ACOX3: variants seen among roughly 807,000 people sequenced by gnomAD.
ACOX3 encodes the protein peroxisomal acyl-coenzyme A oxidase 3.
A neutral mutation model predicts 81.5 loss-of-function variants in ACOX3; 73 were observed. The observed-to-expected ratio is 0.90, with a 90% confidence interval of 0.74 to 1.09. The LOEUF (loss-of-function observed/expected upper bound fraction) is 1.09, where lower values mean the gene tolerates loss of function less well. ACOX3 is among the 50% of genes least tolerant of loss of function. ACOX3 has a pLI of 0.00. For missense variants in ACOX3, 947 were observed against 928.0 expected, an observed-to-expected ratio of 1.02 and a Z score of -0.27; for synonymous variants, 387 against 375.1, an observed-to-expected ratio of 1.03 and a Z score of -0.37.
intron 1 of ACOX3, among the ~76,000 whole-genome samples, chr4:8,420,274 ACTGT>A (rs1296676430): frequency 6.6e-6 from 1 of 152,264 alleles, no homozygotes; most frequent in Non-Finnish European, 1.5e-5. Flanking sequence ...GTGAAGCCAG[ACTGT>A]CTGGGTTCAA....
At chr4:8,377,242 G>C (rs1360999373) in intron 14 of ACOX3, among the ~76,000 whole-genome samples, 1 of 152,144 alleles carries the variant, frequency 6.6e-6, no homozygotes, top group African/African-American at 2.4e-5. Flanking sequence ...GAATCTGAGT[G>C]AGCCCTGTGC....
intron 1 of ACOX3, among the ~76,000 whole-genome samples, chr4:8,428,134 G>T (rs1294431280): frequency 6.6e-6 from 1 of 152,246 alleles, no homozygotes; most frequent in Non-Finnish European, 1.5e-5. Context: ...AATGTGTAAA[G>T]TCCTCCGAAT....
At chr4:8,435,839 AT>A (rs1347983622) in intron 1 of ACOX3, among the ~76,000 whole-genome samples, 1 of 152,174 alleles carries the variant, frequency 6.6e-6, no homozygotes, top group Non-Finnish European at 1.5e-5. Context: ...TTCTTTCTCC[AT>A]ATGGCCCAGC....
At chr4:8,376,314 A>C (rs1351598254) in intron 14 of ACOX3, among the ~76,000 whole-genome samples, 1 of 151,326 alleles carries the variant, frequency 6.6e-6, no homozygotes, top group Non-Finnish European at 1.5e-5. Flanking sequence ...GCATTGCTTG[A>C]CTTGTTAGGA....
chr4:8,389,588 C>G lies in ACOX3; in HGVS notation c.1423+24G>C, dbSNP rs1179712189. The G allele has an allele frequency of 2.5e-6, 4 of 1,613,068 alleles. No individual in the cohort carries two copies. Among genetic ancestry groups the G allele is most frequent in the Non-Finnish European group, 3.4e-6 (4 of 1,179,944 alleles). Reference sequence around the variant, plus strand: ...TGCCCCAGTTGGGTTCCAGCGCCCCCACCAGTGTGCAGCAGAGCCTCACCG... The same window carrying G: ...TGCCCCAGTTGGGTTCCAGCGCCCCGACCAGTGTGCAGCAGAGCCTCACCG... On this transcript the variant is annotated intron_variant, in intron 12 of 17. Coordinates refer to ENST00000356406, the MANE Select transcript of ACOX3 (RefSeq NM_003501.3). The surrounding 1 kb of genome is among the most constrained non-coding windows in gnomAD (Gnocchi z 5.3).
chr4:8,410,164 T>G (rs748097515), intron 6 of ACOX3, 48 bp downstream of exon 6: 3 of 1,586,210 alleles, frequency 1.9e-6, no homozygotes, highest in Non-Finnish European at 1.7e-6. Context: ...TACCAGTGCT[T>G]CCTGGGGGTA....
At chr4:8,417,648 T>A (rs1437171759) in intron 1 of ACOX3, among the ~76,000 whole-genome samples, 2 of 152,090 alleles carry the variant, frequency 1.3e-5, no homozygotes, top group East Asian at 1.9e-4. Context: ...AAACACAAAG[T>A]AAACTTAAAT....
the ACOX3 span, among the ~76,000 whole-genome samples, chr4:8,361,145 C>A: frequency 6.6e-6 from 1 of 151,792 alleles, no homozygotes; most frequent in African/African-American, 2.4e-5. Context: ...TGTTTTAGGC[C>A]GGGCGCGGTG....
intron 8 of ACOX3, among the ~76,000 whole-genome samples, chr4:8,398,889 T>C (rs1720023982): frequency 6.6e-6 from 1 of 152,244 alleles, no homozygotes; most frequent in South Asian, 2.1e-4. Flanking sequence ...AATCATTTAT[T>C]TTTAATTGAT....
intron 14 of ACOX3, among the ~76,000 whole-genome samples, chr4:8,376,858 CTAGG>C (rs3834231): frequency 0.39 from 59,450 of 151,434 alleles, 11,645 homozygotes; most frequent in Middle Eastern, 0.45. Context: ...CAGACCCCAG[CTAGG>C]TAGGACTAGC....
chr4:8,399,325 A>T lies in ACOX3; in HGVS notation c.873+231T>A, dbSNP rs896896817. 2.0e-5 allele frequency among the ~76,000 whole-genome samples: 3 copies of T among 152,136 alleles called. No individual in the cohort carries two copies. The highest frequency in any genetic ancestry group is 4.4e-5 in the Non-Finnish European group (3 of 68,016). ...TCGCAGCCCCCGATGGGGAGTGGGC[A>T]TTGTAAGGCCCGGACTCACCCCCTG... On this transcript the variant is annotated intron_variant, in intron 8 of 17. Transcript: ENST00000356406. The surrounding 1 kb of genome is among the most constrained non-coding windows in gnomAD (Gnocchi z 4.9).
downstream of ACOX3, among the ~76,000 whole-genome samples, chr4:8,363,625 T>C (rs550366527): frequency 7.0e-4 from 107 of 152,260 alleles, no homozygotes; most frequent in Non-Finnish European, 1.4e-3. Flanking sequence ...GAATAGGAGC[T>C]GGGTAAAATG....
chr4:8,374,872 G>C, intron 15 of ACOX3, 106 bp downstream of exon 15: 1 of 1,277,110 alleles, frequency 7.8e-7, no homozygotes, highest in Non-Finnish European at 1.0e-6. Flanking sequence ...GCCGTGCTCA[G>C]TGAGTCCCGT....
chr4:8,373,492 G>T, intron 16 of ACOX3, 69 bp downstream of exon 16: 1 of 1,522,722 alleles, frequency 6.6e-7, no homozygotes, highest in East Asian at 2.3e-5. Context: ...GTGATGCTAA[G>T]GGGATGCGTG....
At position 8,423,604 on chromosome 4, in the gene ACOX3, G is replaced by C. The variant is rs1480799968; in HGVS notation, c.-14-7069C>G. Among the ~76,000 whole-genome samples the C allele has an allele frequency of 6.6e-6, 1 of 152,198 alleles. No homozygotes were observed. The highest frequency in any genetic ancestry group is 1.5e-5 in the Non-Finnish European group (1 of 68,042). On this transcript the variant is annotated intron_variant, in intron 1 of 17. Coordinates refer to ENST00000356406, the MANE Select transcript of ACOX3 (RefSeq NM_003501.3). The surrounding 1 kb of genome is among the most constrained non-coding windows in gnomAD (Gnocchi z 4.2). The stretch of plus-strand genomic sequence containing the variant: ...GAAACCCAATGGACAGTGGAGGTTA[G>C]TGCAAGATCTCAGGATTATCAATGA...
chr4:8,374,589 C>T (rs1025001283), intron 15 of ACOX3: 4 of 188,728 alleles, frequency 2.1e-5, no homozygotes, highest in Non-Finnish European at 4.3e-5. Flanking sequence ...GAATCAGCCC[C>T]AGCACCCCCT....
In ACOX3 at chr4:8,396,679, GAAA is replaced by G. The variant is rs531424752; in HGVS notation, c.1056+255_1056+257del. ...GGTGACAGAGCAAGGCTCCGTCTGG[GAAA>G]AAAAAAAAAAAAAAAAAAAGACTTG... On this transcript the variant is annotated intron_variant, in intron 9 of 17. Coordinates refer to ENST00000356406, the MANE Select transcript of ACOX3 (RefSeq NM_003501.3). 9.0e-3 allele frequency among the ~76,000 whole-genome samples: 909 copies of G among 100,670 alleles called. 5 individuals carry two copies. Among genetic ancestry groups the G allele is most frequent in the South Asian group, 0.039 (110 of 2,852 alleles). The allele number at this position is 100,670 out of a possible 152,430, so 66.0% of individuals were successfully genotyped here.
intron 10 of ACOX3, among the ~76,000 whole-genome samples, 182 bp from the exon 11 acceptor site, chr4:8,392,635 G>C (rs1313223942): frequency 6.6e-6 from 1 of 152,176 alleles, no homozygotes; most frequent in Non-Finnish European, 1.5e-5. Context: ...TCCAAGTATG[G>C]ATACACTGTG....
At chr4:8,365,258 C>T (rs76584141), downstream of ACOX3, among the ~76,000 whole-genome samples, 271 of 152,320 alleles carry the variant, frequency 1.8e-3, no homozygotes, top group Non-Finnish European at 2.9e-3. Flanking sequence ...GGTTTGTACT[C>T]GGAACTGCTC....
Sources: gnomAD v4.1 joint callset for allele counts (sites outside exome capture counted in the v4.1 genomes callset) on GRCh38, gnomAD v4.1.1 for gene constraint, Gnocchi (gnomAD v3.1) non-coding constraint, MANE v1.5 for transcripts, NCBI Gene and HGNC (gene_info 2026-07-23, HGNC 2026-07-21) for gene names.